The following SPTB variants were observed in gnomAD, a reference collection of about 807,000 sequenced individuals.
SPTB encodes the protein spectrin beta chain, erythrocytic.
In SPTB, 45 loss-of-function variants were observed where a neutral mutation model predicts 256.2. The observed-to-expected ratio is 0.18, with a 90% CI of 0.14 to 0.23. SPTB has a LOEUF of 0.23. Among genes scored for constraint, SPTB ranks in the 10% least tolerant of loss-of-function variants. The pLI is 1.00. For synonymous variants in SPTB, 1,231 were observed against 1,243.1 expected, an observed-to-expected ratio of 0.99 and a Z score of 0.21; for missense variants, 2,715 against 3,040.4, an observed-to-expected ratio of 0.89 and a Z score of 2.52.
At chr14:64,863,304 C>A (rs1421765016) in intron 1 of SPTB, among the ~76,000 whole-genome samples, 2 of 150,956 alleles carry the variant, frequency 1.3e-5, no homozygotes, top group Non-Finnish European at 3.0e-5. Flanking sequence ...AGCTGATGAG[C>A]GAAAAAAAAA....
Position 64,795,454 on chromosome 14 carries a change from T to C in SPTB, c.1527A>G (p.Leu509=). The C allele has an allele frequency of 3.7e-6, 6 of 1,614,174 alleles. No homozygotes were observed. Among genetic ancestry groups the C allele is most frequent in the Non-Finnish European group, 5.1e-6 (6 of 1,180,008 alleles). Residue 509 remains leucine, a synonymous_variant, in exon 12 of 36, where the codon CTA becomes CTG. Coordinates refer to ENST00000644917, the MANE Select transcript of SPTB (RefSeq NM_001355436.2). This position sits in a 1 kb window ranked among gnomAD's most constrained non-coding sequence, Gnocchi z 6.5. ...GCAGCAGCTCCTGCAGGTAGCTCCA[T>C]AGGCGCAGTATATTGTCCTTGCGGG... ...ITARKDNILR[L]WSYLQELLQS...
At chr14:64,751,061 A>G (rs1040810825) in intron 33 of SPTB, among the ~76,000 whole-genome samples, 5 of 143,160 alleles carry the variant, frequency 3.5e-5, no homozygotes, top group Non-Finnish European at 6.1e-5. Context: ...TATATAATAT[A>G]TAACATTTAT....
chr14:64,819,506 GAC>G (rs879294595), intron 2 of SPTB, among the ~76,000 whole-genome samples: 15 of 152,194 alleles, frequency 9.9e-5, no homozygotes, highest in Admixed American at 2.0e-4. Context: ...AGATGGCGGA[GAC>G]ACAGCCAGGG....
At chr14:64,809,479 G>A (rs1233144392) in intron 2 of SPTB, among the ~76,000 whole-genome samples, 1 of 151,786 alleles carries the variant, frequency 6.6e-6, no homozygotes, top group Non-Finnish European at 1.5e-5. Flanking sequence ...CCAAGTAGCT[G>A]GGACTACAGG....
chr14:64,799,535 C>A (rs915241069), intron 9 of SPTB, among the ~76,000 whole-genome samples: 1 of 152,218 alleles, frequency 6.6e-6, no homozygotes, highest in East Asian at 1.9e-4. Context: ...GGTCGTGAGT[C>A]GAGGTTTCTC....
intron 32 of SPTB, among the ~76,000 whole-genome samples, chr14:64,761,031 A>T (rs974172790): frequency 6.6e-6 from 1 of 152,222 alleles, no homozygotes; most frequent in Non-Finnish European, 1.5e-5. Flanking sequence ...GAGGCAGCAT[A>T]ATCATGCCAG....
At position 64,801,780 on chromosome 14, in the gene SPTB, G is replaced by A. The variant is rs750522727; in HGVS notation, c.621C>T (p.Ala207=). ...NFTSSWKDGL[A]FNALIHKHRP... ...GGTGCTTGTGTATCAGGGCATTAAA[G>A]GCCAAGCCATCCTTCCAGCTGGAGG... is the stretch of plus-strand genomic sequence containing the variant. The change falls in exon 6 of 36, where the codon GCC becomes GCT. Residue 207 remains alanine, a synonymous_variant. Transcript: ENST00000644917. 1.9e-6 allele frequency: 3 copies of A among 1,614,082 alleles called. No homozygotes were observed. The African/African-American group carries it at 4.0e-5, about 22-fold the overall frequency.
chr14:64,784,833 T>C (rs1476505940), intron 18 of SPTB, among the ~76,000 whole-genome samples: 2 of 152,200 alleles, frequency 1.3e-5, no homozygotes, highest in Non-Finnish European at 2.9e-5. Context: ...CAAAGTTGTC[T>C]GGGCTGAGAG....
Position 64,749,405 on chromosome 14 carries a change from C to T in SPTB, c.6888G>A (p.Lys2296=). The T allele has an allele frequency of 1.9e-6, 3 of 1,608,264 alleles. No homozygotes were observed. Among genetic ancestry groups the T allele is most frequent in the Middle Eastern group, 1.7e-4 (1 of 6,038 alleles). Residue 2296 remains lysine, a synonymous_variant, in exon 36 of 36, where the codon AAG becomes AAA. Transcript: ENST00000644917. The surrounding 1 kb of genome is among the most constrained non-coding windows in gnomAD (Gnocchi z 4.7). ...GGGAAGGCAGGGGCAGGCTCTGCGC[C>T]TTGACGCGGATGCTCTGGGACTCGT... ...AINESQSIRV[K]AQSLPLPSLS... is the part of the protein sequence containing the mutation.
intron 1 of SPTB, among the ~76,000 whole-genome samples, chr14:64,869,676 T>C (rs1021921287): frequency 6.7e-6 from 1 of 149,552 alleles, no homozygotes; most frequent in African/African-American, 2.5e-5. Flanking sequence ...GGCTGGAATG[T>C]AGTGGCACAA....
Position 64,845,097 on chromosome 14 carries a change from C to T in SPTB, c.-51-21952G>A, listed in dbSNP as rs1483534938. 1.3e-5 allele frequency among the ~76,000 whole-genome samples: 2 copies of T among 152,208 alleles called. No individual in the cohort carries two copies. Among genetic ancestry groups the T allele is most frequent in the African/African-American group, 4.8e-5 (2 of 41,448 alleles). On this transcript the variant is annotated intron_variant, in intron 1 of 35. Transcript: ENST00000644917. The surrounding 1 kb of genome is among the most constrained non-coding windows in gnomAD (Gnocchi z 4.8). Reference sequence around the variant, plus strand: ...CAAAGTAATCCATAACCAAACCAGGCTAGACCGGCTATACAGAATCAGCTC... The same window carrying T: ...CAAAGTAATCCATAACCAAACCAGGTTAGACCGGCTATACAGAATCAGCTC...
At chr14:64,770,281 A>G (rs1382333752) in intron 27 of SPTB, among the ~76,000 whole-genome samples, 1 of 152,208 alleles carries the variant, frequency 6.6e-6, no homozygotes, top group Admixed American at 6.5e-5. Context: ...CCACTGAATG[A>G]TACACACTAA....
In SPTB at chr14:64,807,382, A is replaced by T. The variant is rs1427341322; in HGVS notation, c.149-2292T>A. The stretch of plus-strand genomic sequence containing the variant: ...TAATTCTAGGCCACTGGGCTGGTGC[A>T]TTTATTGGTGCAGAAATATCAGAAA... On this transcript the variant is annotated intron_variant, in intron 2 of 35. Coordinates refer to ENST00000644917, the MANE Select transcript of SPTB (RefSeq NM_001355436.2). This position sits in a 1 kb window ranked among gnomAD's most constrained non-coding sequence, Gnocchi z 4.7. Among the ~76,000 whole-genome samples, 1 of 152,224 alleles carries T rather than the reference A, an allele frequency of 6.6e-6. No homozygotes were observed. The highest frequency in any genetic ancestry group is 2.4e-5 in the African/African-American group (1 of 41,464).
At chr14:64,770,222 C>T (rs2082257473) in intron 27 of SPTB, among the ~76,000 whole-genome samples, 1 of 152,170 alleles carries the variant, frequency 6.6e-6, no homozygotes, top group Non-Finnish European at 1.5e-5. Flanking sequence ...TGAAAATCTT[C>T]TAACCTTAGA....
At position 64,790,083 on chromosome 14, in the gene SPTB, G is replaced by A. The variant is rs894489927; in HGVS notation, c.2804+1636C>T. ...AGGCAGATTTCCACTCAATGGAAGA[G>A]CAAACTTTTTAACCAAAAAGAATTG... On this transcript the variant is annotated intron_variant, in intron 15 of 35. Coordinates refer to ENST00000644917, the MANE Select transcript of SPTB (RefSeq NM_001355436.2). This position sits in a 1 kb window ranked among gnomAD's most constrained non-coding sequence, Gnocchi z 4.8. 4.6e-5 allele frequency among the ~76,000 whole-genome samples: 7 copies of A among 152,218 alleles called. No homozygotes were observed. Among genetic ancestry groups the A allele is most frequent in the Admixed American group, 2.0e-4 (3 of 15,280 alleles).
intron 32 of SPTB, 94 bp downstream of exon 32, chr14:64,766,632 C>T (rs754254209): frequency 6.2e-6 from 10 of 1,611,772 alleles, no homozygotes; most frequent in East Asian, 2.2e-5. Flanking sequence ...TGCGCCAGCT[C>T]ATCTCGCCTC....
Position 64,793,912 on chromosome 14 carries a change from C to G in SPTB, c.1796-45G>C. On this transcript the variant is annotated intron_variant, in intron 13 of 35. Coordinates refer to ENST00000644917, the MANE Select transcript of SPTB (RefSeq NM_001355436.2). The surrounding 1 kb of genome is among the most constrained non-coding windows in gnomAD (Gnocchi z 7.0). ...GGAGGACAAAGTGGGGGATGGGCTT[C>G]ATTTATGGGCACGCTTCAGATAAGC... The G allele has an allele frequency of 6.4e-7, 1 of 1,563,886 alleles. No individual in the cohort carries two copies. The highest frequency in any genetic ancestry group is 2.2e-5 in the East Asian group (1 of 44,570).
rs200385949 is a variant in SPTB, at chr14:64,785,889, C to T, written c.3624G>A (p.Arg1208=). 5.5e-5 allele frequency: 88 copies of T among 1,614,042 alleles called. No individual in the cohort carries two copies. In the Middle Eastern group the frequency reaches 1.2e-3, roughly 21 times the overall value. The change falls in exon 17 of 36, where the codon CGG becomes CGA. Residue 1208 remains arginine, a synonymous_variant. Coordinates refer to ENST00000644917, the MANE Select transcript of SPTB (RefSeq NM_001355436.2). The surrounding 1 kb of genome is among the most constrained non-coding windows in gnomAD (Gnocchi z 4.4). ...TAGACCCCAAGAAATCCTCAAACTT[C>T]CGGATCCCAGCCTCTGCAGCTTCCA... ...DSLEAAEAGI[R]KFEDFLGSME...
chr14:64,794,458 T>G lies in SPTB; in HGVS notation c.1795+9A>C, dbSNP rs886050624. Reference sequence around the variant, plus strand: ...GAAGCCTCAAAAGGGGAGACAGACTTGGTCTCACCTTTCCCCTCGGTGAAC... The same window carrying G: ...GAAGCCTCAAAAGGGGAGACAGACTGGGTCTCACCTTTCCCCTCGGTGAAC... On this transcript the variant is annotated intron_variant, in intron 13 of 35. Coordinates refer to ENST00000644917, the MANE Select transcript of SPTB (RefSeq NM_001355436.2). The G allele has an allele frequency of 1.2e-6, 2 of 1,614,198 alleles. No individual in the cohort carries two copies. The highest frequency in any genetic ancestry group is 1.7e-6 in the Non-Finnish European group (2 of 1,180,046).
Sources: allele counts gnomAD v4.1 joint callset (sites outside exome capture counted in the v4.1 genomes callset), GRCh38; gene constraint gnomAD v4.1.1; non-coding constraint Gnocchi (gnomAD v3.1); transcripts MANE v1.5; gene names NCBI Gene and HGNC (gene_info 2026-07-23, HGNC 2026-07-21).